Variants in TRAPPC9 observed in about 807,000 individuals in gnomAD.
TRAPPC9 encodes the protein trafficking protein particle complex subunit 9.
A neutral mutation model predicts 124.0 loss-of-function variants in TRAPPC9; 83 were observed. The observed-to-expected ratio is 0.67, with a 90% CI of 0.56 to 0.80. The LOEUF (loss-of-function observed/expected upper bound fraction) is 0.80. Ranked by LOEUF, TRAPPC9 falls within the 30% of genes least tolerant of loss-of-function variation. TRAPPC9 has a pLI of 0.00. For synonymous variants in TRAPPC9, 638 were observed against 617.5 expected, an observed-to-expected ratio of 1.03 and a Z score of -0.49; for missense variants, 1,302 against 1,508.3, an observed-to-expected ratio of 0.86 and a Z score of 2.27.
chr8:139,800,550 C>T (rs1313906282), intron 21 of TRAPPC9, among the ~76,000 whole-genome samples: 2 of 152,220 alleles, frequency 1.3e-5, no homozygotes, highest in Non-Finnish European at 2.9e-5. Flanking sequence ...GAGCAAGTGC[C>T]CCTCCCGGGA....
chr8:139,967,574 A>G (rs1835784737), intron 19 of TRAPPC9, among the ~76,000 whole-genome samples: 1 of 152,332 alleles, frequency 6.6e-6, no homozygotes, highest in African/African-American at 2.4e-5. Context: ...GACACTAGGC[A>G]TATGCTGTGC....
chr8:139,830,443 GCA>G (rs1249173700), intron 21 of TRAPPC9, among the ~76,000 whole-genome samples: 1 of 151,648 alleles, frequency 6.6e-6, no homozygotes, highest in Non-Finnish European at 1.5e-5. Context: ...AAATACACAT[GCA>G]CACAAACGCT....
At chr8:139,851,433 C>G (rs549077800) in intron 21 of TRAPPC9, among the ~76,000 whole-genome samples, 1 of 152,128 alleles carries the variant, frequency 6.6e-6, no homozygotes, top group East Asian at 1.9e-4. Context: ...GAGCTGTATG[C>G]GAGTGACAAC....
At chr8:139,846,530 T>C (rs1827096316) in intron 21 of TRAPPC9, among the ~76,000 whole-genome samples, 1 of 152,106 alleles carries the variant, frequency 6.6e-6, no homozygotes, top group Non-Finnish European at 1.5e-5. Context: ...AGAAGAAAAA[T>C]GAAGATGGAT....
At chr8:139,819,379 T>A (rs923804024) in intron 21 of TRAPPC9, among the ~76,000 whole-genome samples, 3 of 152,096 alleles carry the variant, frequency 2.0e-5, no homozygotes, top group Non-Finnish European at 4.4e-5. Context: ...GCACGATAAA[T>A]GTAACAGGCT....
intron 21 of TRAPPC9, among the ~76,000 whole-genome samples, chr8:139,794,514 C>G (rs1351564259): frequency 6.6e-6 from 1 of 152,218 alleles, no homozygotes; most frequent in African/African-American, 2.4e-5. Flanking sequence ...CTCAGTTGAG[C>G]TGAGGTGCTG....
chr8:139,919,301 G>C (rs539123307), intron 19 of TRAPPC9, among the ~76,000 whole-genome samples: 1 of 152,172 alleles, frequency 6.6e-6, no homozygotes, highest in Non-Finnish European at 1.5e-5. Flanking sequence ...CTATATTGCA[G>C]GGCTAGTCGG....
At chr8:139,917,588 C>T (rs751899247) in intron 19 of TRAPPC9, among the ~76,000 whole-genome samples, 1 of 152,212 alleles carries the variant, frequency 6.6e-6, no homozygotes, top group African/African-American at 2.4e-5. Context: ...AAAGCAATGG[C>T]GCCCCCGTCC....
intron 9 of TRAPPC9, among the ~76,000 whole-genome samples, chr8:140,314,243 T>G (rs2066385888): frequency 6.6e-6 from 1 of 152,236 alleles, no homozygotes. Context: ...GTGTTTTGTT[T>G]ATTGTTTAGT....
chr8:140,085,647 G>GCATC (rs1321586087), intron 17 of TRAPPC9, among the ~76,000 whole-genome samples: 11 of 152,262 alleles, frequency 7.2e-5, no homozygotes, highest in African/African-American at 2.6e-4. Context: ...TTCAGAGTGA[G>GCATC]CATCCCCCTT....
At position 140,104,045 on chromosome 8, in the gene TRAPPC9, G is replaced by T. The variant is rs573704175; in HGVS notation, c.2557-79966C>A. Among the ~76,000 whole-genome samples, 15 of 152,306 alleles carry T rather than the reference G, an allele frequency of 9.8e-5. No homozygotes were observed. The East Asian group carries it at 1.9e-3, about 20-fold the overall frequency. On this transcript the variant is annotated intron_variant, in intron 17 of 22. Transcript: ENST00000438773. This position sits in a 1 kb window ranked among gnomAD's most constrained non-coding sequence, Gnocchi z 4.0. Reference sequence around the variant, plus strand: ...AATCCAGACGCTGGACCATCCCTTTGCTTCCTATGTTTATTCATTCACTCA... The same window carrying T: ...AATCCAGACGCTGGACCATCCCTTTTCTTCCTATGTTTATTCATTCACTCA...
chr8:140,347,102 G>A (rs572237037), intron 9 of TRAPPC9, among the ~76,000 whole-genome samples: 21 of 152,314 alleles, frequency 1.4e-4, no homozygotes, highest in Non-Finnish European at 2.8e-4. Context: ...TGTTTAGCAC[G>A]GCCGCAAAGG....
At chr8:140,325,103 G>A (rs969706473) in intron 9 of TRAPPC9, among the ~76,000 whole-genome samples, 11 of 152,036 alleles carry the variant, frequency 7.2e-5, no homozygotes, top group African/African-American at 1.7e-4. Context: ...GCATACACAC[G>A]TCAAAAATAA....
intron 7 of TRAPPC9, among the ~76,000 whole-genome samples, chr8:140,379,065 G>T: frequency 6.6e-6 from 1 of 151,556 alleles, no homozygotes. Flanking sequence ...AGTATTATTT[G>T]AAATTTTTCT....
chr8:140,190,553 G>C (rs2062467857), intron 17 of TRAPPC9, among the ~76,000 whole-genome samples: 1 of 152,194 alleles, frequency 6.6e-6, no homozygotes, highest in Non-Finnish European at 1.5e-5. Flanking sequence ...GGTTCAGAGA[G>C]ACTGGGCCCA....
intron 15 of TRAPPC9, among the ~76,000 whole-genome samples, chr8:140,272,878 C>T (rs950574144): frequency 3.3e-5 from 5 of 151,412 alleles, no homozygotes; most frequent in African/African-American, 9.7e-5. Context: ...ACCAGACCCC[C>T]CTCCAACACT....
chr8:140,124,956 C>A (rs1011127278), intron 17 of TRAPPC9, among the ~76,000 whole-genome samples: 1 of 152,224 alleles, frequency 6.6e-6, no homozygotes, highest in African/African-American at 2.4e-5. Context: ...AAAGAAAGCC[C>A]CATACCCTGA....
intron 21 of TRAPPC9, among the ~76,000 whole-genome samples, chr8:139,750,813 ACTCTCAACTG>A (rs1406193654): frequency 6.6e-6 from 1 of 151,902 alleles, no homozygotes; most frequent in Non-Finnish European, 1.5e-5. Context: ...GCTCACTAAC[ACTCTCAACTG>A]CTTCCATCTC....
chr8:140,060,278 C>T (rs1842523127), intron 17 of TRAPPC9, among the ~76,000 whole-genome samples: 3 of 152,162 alleles, frequency 2.0e-5, no homozygotes, highest in African/African-American at 7.2e-5. Flanking sequence ...CCACGAGGTC[C>T]CTCCCCTGGC....
Sources: allele counts gnomAD v4.1 joint callset (sites outside exome capture counted in the v4.1 genomes callset), GRCh38; gene constraint gnomAD v4.1.1; non-coding constraint Gnocchi (gnomAD v3.1); transcripts MANE v1.5; gene names NCBI Gene and HGNC (gene_info 2026-07-23, HGNC 2026-07-21).